PLA2G4A: variants seen among roughly 807,000 people sequenced by gnomAD.
The protein encoded by PLA2G4A is phospholipase A2 group IVA.
A neutral mutation model predicts 81.9 loss-of-function variants in PLA2G4A; 40 were observed. The ratio of observed to expected loss-of-function variants is 0.49; its 90% confidence interval spans 0.38 to 0.64. The LOEUF is 0.64. PLA2G4A is among the 30% of genes least tolerant of loss of function. The probability of loss-of-function intolerance (pLI) is 0.00; values close to 1 mark genes in which losing one functional copy is unlikely to be tolerated. For synonymous variants in PLA2G4A, 302 were observed against 296.9 expected (o/e 1.02, Z -0.18); for missense variants, 715 against 905.1 (o/e 0.79, Z 2.69).
chr1:186,968,265 A>C (rs1657203730), intron 15 of PLA2G4A, among the ~76,000 whole-genome samples: 1 of 152,098 alleles, frequency 6.6e-6, no homozygotes, highest in African/African-American at 2.4e-5. Flanking sequence ...AGTAGTTTTT[A>C]AATGTTGACT....
rs12720533 is a variant in PLA2G4A at position 186,894,389 on chromosome 1, C to T, written c.378+178C>T. Among the ~76,000 whole-genome samples the T allele has an allele frequency of 4.3e-3, 653 of 152,210 alleles. 3 individuals carry two copies. Among genetic ancestry groups the T allele is most frequent in the Non-Finnish European group, 6.6e-3 (451 of 68,016 alleles). ...GTCCTAATTTTAAAAATTATTCTGA[C>T]ATCTATAAACTTTGGTTGAGGTATT... On this transcript the variant is annotated intron_variant, in intron 5 of 17. Transcript: ENST00000367466.
chr1:186,855,072 A>G (rs1487054166), intron 2 of PLA2G4A, among the ~76,000 whole-genome samples: 1 of 151,954 alleles, frequency 6.6e-6, no homozygotes, highest in Non-Finnish European at 1.5e-5. Context: ...CTCTGCATCC[A>G]TTTCTAGATA....
chr1:186,909,584 C>T (rs1057288250), intron 6 of PLA2G4A, among the ~76,000 whole-genome samples: 1 of 148,146 alleles, frequency 6.8e-6, no homozygotes, highest in African/African-American at 2.5e-5. Flanking sequence ...CGCTGGAACC[C>T]AGGAGGCGGA....
intron 10 of PLA2G4A, among the ~76,000 whole-genome samples, chr1:186,941,802 G>T (rs796449352): frequency 1.3e-5 from 2 of 152,068 alleles, no homozygotes; most frequent in Non-Finnish European, 2.9e-5. Flanking sequence ...AATTATTAAA[G>T]AAGTTAAGGC....
At chr1:186,877,989 T>A (rs1473241807) in intron 3 of PLA2G4A, among the ~76,000 whole-genome samples, 1 of 150,138 alleles carries the variant, frequency 6.7e-6, no homozygotes, top group Non-Finnish European at 1.5e-5. Flanking sequence ...TTTGAGTGAA[T>A]TTAATTAATC....
intron 1 of PLA2G4A, 139 bp from the exon 2 acceptor site, chr1:186,854,147 C>A (rs917619347): frequency 2.0e-5 from 10 of 499,558 alleles, no homozygotes; most frequent in Non-Finnish European, 3.2e-5. Context: ...TGTGATAACC[C>A]ATTCGTATAC....
At chr1:186,933,376 G>C (rs1359945722) in intron 8 of PLA2G4A, among the ~76,000 whole-genome samples, 1 of 152,054 alleles carries the variant, frequency 6.6e-6, no homozygotes, top group African/African-American at 2.4e-5. Context: ...TTTGAATATA[G>C]AAATATAATA....
chr1:186,888,019 T>C (rs1225426014), intron 3 of PLA2G4A, among the ~76,000 whole-genome samples: 2 of 152,206 alleles, frequency 1.3e-5, no homozygotes, highest in African/African-American at 2.4e-5. Flanking sequence ...TTGGTAGTTT[T>C]CCACTGTCCA....
At chr1:186,932,182 A>G (rs1268432012) in intron 7 of PLA2G4A, among the ~76,000 whole-genome samples, 1 of 152,214 alleles carries the variant, frequency 6.6e-6, no homozygotes, top group African/African-American at 2.4e-5. Context: ...TTGAACAAAT[A>G]TAGAGTATTA....
intron 7 of PLA2G4A, among the ~76,000 whole-genome samples, chr1:186,914,260 A>T (rs577814660): frequency 1.3e-4 from 9 of 71,054 alleles, no homozygotes; most frequent in Admixed American, 1.1e-3. Context: ...CAGAAAATTT[A>T]TATATATATG....
intron 5 of PLA2G4A, among the ~76,000 whole-genome samples, chr1:186,897,259 T>C (rs1161963922): frequency 6.6e-6 from 1 of 152,162 alleles, no homozygotes; most frequent in African/African-American, 2.4e-5. Context: ...CAAATGGAGA[T>C]GGGCAGATTC....
chr1:186,942,480 TA>T, intron 10 of PLA2G4A, among the ~76,000 whole-genome samples: 1 of 152,272 alleles, frequency 6.6e-6, no homozygotes, highest in Non-Finnish European at 1.5e-5. Context: ...CTCCTTATTT[TA>T]AAAAATATAT....
At chr1:186,867,629 G>A (rs907041104) in intron 2 of PLA2G4A, among the ~76,000 whole-genome samples, 9 of 151,860 alleles carry the variant, frequency 5.9e-5, no homozygotes, top group Middle Eastern at 3.2e-3. Context: ...CTACATAGAC[G>A]TTCATGTTAT....
intron 1 of PLA2G4A, among the ~76,000 whole-genome samples, chr1:186,836,067 C>T (rs1203507882): frequency 6.6e-6 from 1 of 151,952 alleles, no homozygotes; most frequent in Non-Finnish European, 1.5e-5. Flanking sequence ...GACACTCATT[C>T]ACTGTTTGCA....
At chr1:186,914,230 T>C (rs1029511335) in intron 7 of PLA2G4A, among the ~76,000 whole-genome samples, 3 of 151,512 alleles carry the variant, frequency 2.0e-5, no homozygotes, top group Non-Finnish European at 4.4e-5. Flanking sequence ...GCCAGGACTA[T>C]GCGTGCATGC....
chr1:186,925,853 A>G (rs2102189182), intron 7 of PLA2G4A, among the ~76,000 whole-genome samples: 1 of 152,328 alleles, frequency 6.6e-6, no homozygotes, highest in South Asian at 2.1e-4. Context: ...TTTAAGTTTT[A>G]TGAGGGCCAG....
At chr1:186,900,211 A>C (rs1186522192) in intron 5 of PLA2G4A, among the ~76,000 whole-genome samples, 1 of 152,054 alleles carries the variant, frequency 6.6e-6, no homozygotes, top group Non-Finnish European at 1.5e-5. Context: ...CTACTTATTA[A>C]CCATGTGATG....
At position 186,967,195 on chromosome 1, in the gene PLA2G4A, T is replaced by A. The variant is rs538520919; in HGVS notation, c.1764+1602T>A. On this transcript the variant is annotated intron_variant, in intron 15 of 17. Transcript: ENST00000367466. ...GACCAATAATGGTTATTATAATAAC[T>A]CTTAAATATATAGAAAACCTTACAT... 7.2e-5 allele frequency among the ~76,000 whole-genome samples: 11 copies of A among 152,268 alleles called. No individual in the cohort carries two copies. The East Asian group carries it at 1.3e-3, about 19-fold the overall frequency.
intron 2 of PLA2G4A, among the ~76,000 whole-genome samples, chr1:186,857,976 C>A (rs1338718917): frequency 6.6e-6 from 1 of 152,088 alleles, no homozygotes; most frequent in Non-Finnish European, 1.5e-5. Flanking sequence ...TGAATATGTG[C>A]CACAGTTTCT....
Sources: allele counts gnomAD v4.1 joint callset (sites outside exome capture counted in the v4.1 genomes callset), GRCh38; gene constraint gnomAD v4.1.1; transcripts MANE v1.5; gene names NCBI Gene and HGNC (gene_info 2026-07-23, HGNC 2026-07-21).